MGRN1: variants seen among roughly 807,000 people sequenced by gnomAD.
MGRN1 encodes mahogunin ring finger 1.
A neutral mutation model predicts 69.2 loss-of-function variants in MGRN1; 29 were observed. The observed-to-expected ratio is 0.42, with a 90% CI of 0.31 to 0.57. The LOEUF is 0.57. MGRN1 is among the 20% of genes least tolerant of loss of function. MGRN1 has a pLI of 0.15. For synonymous variants in MGRN1, 470 were observed against 344.2 expected (o/e 1.37, Z -4.04); for missense variants, 998 against 796.2 (o/e 1.25, Z -3.05).
At chr16:4,660,700 G>A (rs940054693) in intron 5 of MGRN1, among the ~76,000 whole-genome samples, 5 of 152,202 alleles carry the variant, frequency 3.3e-5, no homozygotes, top group African/African-American at 9.6e-5. Flanking sequence ...CCCCATTTCC[G>A]GGCTTCATGA....
intron 7 of MGRN1, among the ~76,000 whole-genome samples, chr16:4,665,494 G>C (rs1034506140): frequency 2.0e-5 from 3 of 148,044 alleles, no homozygotes; most frequent in Admixed American, 6.7e-5. Context: ...TCAACCTCCC[G>C]AGTACCTGGG....
At chr16:4,656,943 C>T (rs941237019) in intron 4 of MGRN1, among the ~76,000 whole-genome samples, 1 of 151,966 alleles carries the variant, frequency 6.6e-6, no homozygotes, top group Non-Finnish European at 1.5e-5. Context: ...ACCAACTTAG[C>T]ACCGATGGAA....
At chr16:4,664,607 C>G in intron 5 of MGRN1, 102 bp from the exon 6 acceptor site, 1 of 1,238,056 alleles carries the variant, frequency 8.1e-7, no homozygotes, top group African/African-American at 1.5e-5. Flanking sequence ...CTGCTGCTGC[C>G]TCCTGCTCCT....
intron 5 of MGRN1, among the ~76,000 whole-genome samples, chr16:4,658,273 T>C (rs192764498): frequency 0.011 from 1,726 of 151,248 alleles, 31 homozygotes; most frequent in Non-Finnish European, 0.011. Context: ...CGGTGGCTCA[T>C]GCCTGTAATC....
intron 8 of MGRN1, among the ~76,000 whole-genome samples, chr16:4,668,707 C>T (rs898759369): frequency 6.7e-6 from 1 of 150,348 alleles, no homozygotes; most frequent in African/African-American, 2.5e-5. Flanking sequence ...CACACATACA[C>T]TCACACTCAC....
Position 4,682,866 on chromosome 16 carries a change from G to C in MGRN1, c.1402G>C (p.Glu468Gln), listed in dbSNP as rs1261910180. ...TTCCCCCATCCACGAAGAGGATGAGGAGAAGCTCTCCGAGGACGTGGACGC... is the reference window on the plus strand; with the variant it reads ...TTCCCCCATCCACGAAGAGGATGAGCAGAAGCTCTCCGAGGACGTGGACGC... ...PSSPIHEEDE[E>Q]KLSEDVDAPP... Residue 468 changes from glutamate to glutamine, a missense_variant, in exon 14 of 17, where the codon GAG becomes CAG. Glu to Gln is a conservative substitution (Grantham distance 29). Coordinates refer to ENST00000262370, the MANE Select transcript of MGRN1 (RefSeq NM_015246.4). 1 of 1,609,794 alleles carries C rather than the reference G, an allele frequency of 6.2e-7. No individual in the cohort carries two copies.
At chr16:4,686,569 C>G (rs2079324567) in intron 16 of MGRN1, 1 of 1,317,572 alleles carries the variant, frequency 7.6e-7, no homozygotes, top group Non-Finnish European at 9.7e-7. Context: ...CTTCTTCCAG[C>G]CTTGAGGGGC....
chr16:4,674,101 C>G, intron 10 of MGRN1, among the ~76,000 whole-genome samples: 1 of 152,198 alleles, frequency 6.6e-6, no homozygotes, highest in Admixed American at 6.5e-5. Flanking sequence ...TCTCCTGTCT[C>G]AGCCTCCCTA....
At chr16:4,655,434 AG>A (rs2078513007) in intron 4 of MGRN1, among the ~76,000 whole-genome samples, 1 of 151,998 alleles carries the variant, frequency 6.6e-6, no homozygotes, top group African/African-American at 2.4e-5. Flanking sequence ...ACCTGGCACA[AG>A]GCCAGCTTCC....
At chr16:4,657,738 CTTTTTT>C (rs1157518931) in intron 5 of MGRN1, among the ~76,000 whole-genome samples, 12 of 77,002 alleles carry the variant, frequency 1.6e-4, no homozygotes, top group East Asian at 3.0e-4. Flanking sequence ...TGCAGACATC[CTTTTTT>C]TTTTTTTTTT....
intron 13 of MGRN1, 38 bp from the exon 14 acceptor site, chr16:4,682,785 A>T: frequency 2.0e-6 from 3 of 1,483,070 alleles, no homozygotes; most frequent in Non-Finnish European, 2.7e-6. Flanking sequence ...CCTTGTCGTT[A>T]TCCTCTCACC....
chr16:4,684,011 G>A (rs764437145), intron 16 of MGRN1, 79 bp downstream of exon 16: 167 of 1,246,796 alleles, frequency 1.3e-4, no homozygotes, highest in Middle Eastern at 2.7e-4. Context: ...TCTGATGGTC[G>A]GTGCATAGCA....
At chr16:4,625,302 G>C (rs1053402329) in intron 1 of MGRN1, among the ~76,000 whole-genome samples, 2 of 152,200 alleles carry the variant, frequency 1.3e-5, no homozygotes, top group Non-Finnish European at 2.9e-5. Context: ...TTCGCCCCGG[G>C]CACCTCAGCT....
intron 1 of MGRN1, among the ~76,000 whole-genome samples, chr16:4,629,088 C>G (rs1214976159): frequency 3.3e-5 from 5 of 151,906 alleles, no homozygotes; most frequent in Non-Finnish European, 5.9e-5. Flanking sequence ...CTGCCCACCT[C>G]AGCCTCCAAA....
At chr16:4,630,329 T>G (rs1362614755) in intron 1 of MGRN1, among the ~76,000 whole-genome samples, 2 of 147,130 alleles carry the variant, frequency 1.4e-5, no homozygotes, top group Non-Finnish European at 3.0e-5. Flanking sequence ...CACTCCAGCC[T>G]GAGCGACAGA....
chr16:4,627,002 A>G (rs1897711901), intron 1 of MGRN1, among the ~76,000 whole-genome samples: 2 of 151,798 alleles, frequency 1.3e-5, no homozygotes, highest in African/African-American at 4.8e-5. Context: ...CTCTTTGTTC[A>G]TCTCTTCTGG....
chr16:4,651,428 A>G (rs1246472513), intron 2 of MGRN1, among the ~76,000 whole-genome samples: 1 of 152,208 alleles, frequency 6.6e-6, no homozygotes, highest in Non-Finnish European at 1.5e-5. Flanking sequence ...TGGAGAGGCC[A>G]TGGCTGAACC....
At chr16:4,650,512 G>T (rs2078381672) in intron 2 of MGRN1, 29 bp downstream of exon 2, 1 of 1,549,002 alleles carries the variant, frequency 6.5e-7, no homozygotes, top group South Asian at 1.2e-5. Flanking sequence ...GTCTCATGGG[G>T]CTGTGGGGGT....
chr16:4,632,645 C>G (rs545943427), intron 1 of MGRN1, among the ~76,000 whole-genome samples: 1 of 152,118 alleles, frequency 6.6e-6, no homozygotes, highest in Admixed American at 6.6e-5. Flanking sequence ...CCGCCCGTCT[C>G]GGCCTCCCAA....
Sources: gnomAD v4.1 joint callset for allele counts (sites outside exome capture counted in the v4.1 genomes callset) on GRCh38, gnomAD v4.1.1 for gene constraint, MANE v1.5 for transcripts, NCBI Gene and HGNC (gene_info 2026-07-23, HGNC 2026-07-21) for gene names.